The following DAPK3 variants were observed in gnomAD, a reference collection of about 807,000 sequenced individuals.
DAPK3 encodes the protein death associated protein kinase 3, also known as death-associated protein kinase 3.
DAPK3 carries 24 observed loss-of-function variants against 30.6 expected under a neutral mutation model. The ratio of observed to expected loss-of-function variants is 0.78; its 90% CI spans 0.57 to 1.10. DAPK3 has a LOEUF of 1.10. Among genes scored for constraint, DAPK3 ranks in the 50% least tolerant of loss-of-function variants. The pLI, the probability that DAPK3 is intolerant of heterozygous loss-of-function variation, is 0.00. For synonymous variants in DAPK3, 341 were observed against 284.0 expected (o/e 1.20, Z -2.02); for missense variants, 629 against 657.3 (o/e 0.96, Z 0.47).
Position 3,958,841 on chromosome 19 carries a change from G to A in DAPK3, c.*260C>T, listed in dbSNP as rs947195524. On this transcript the variant is annotated 3_prime_UTR_variant, in exon 9 of 9. Transcript: ENST00000545797. ...CACGGTGCCACAGGCCACGCTGCCT[G>A]GAGGGTCCCAGGGTCACCGACGATG... 3 of 581,466 alleles carry A rather than the reference G, an allele frequency of 5.2e-6. No individual in the cohort carries two copies. In the Admixed American group the frequency reaches 9.3e-5, roughly 18 times the overall value. 36.0% of individuals were successfully genotyped at this position (581,466 alleles called of 1,614,324 possible). A position where few individuals can be genotyped will look rare whatever the true frequency, so the allele number is the denominator to read the frequency against.
chr19:3,961,964 T>C (rs1356032771), intron 6 of DAPK3: 2 of 162,168 alleles, frequency 1.2e-5, no homozygotes, highest in Non-Finnish European at 2.7e-5. Context: ...GTTCATGCCA[T>C]TCTCCTGCCT....
intron 1 of DAPK3, 31 bp from the exon 2 acceptor site, chr19:3,969,860 GA>G: frequency 1.5e-6 from 1 of 672,390 alleles, no homozygotes; most frequent in Admixed American, 2.3e-5. Context: ...CAGAAGTGAG[GA>G]ACTGAGACAC....
chr19:3,965,112 G>A, intron 2 of DAPK3, 121 bp from the exon 3 acceptor site: 1 of 629,324 alleles, frequency 1.6e-6, no homozygotes, highest in Non-Finnish European at 2.8e-6. Context: ...GGCACTTGAA[G>A]GACATGAGCT....
chr19:3,958,852 G>A lies in DAPK3; in HGVS notation c.*249C>T, dbSNP rs903898538. On this transcript the variant is annotated 3_prime_UTR_variant, in exon 9 of 9. Coordinates refer to ENST00000545797, the MANE Select transcript of DAPK3 (RefSeq NM_001348.3). Reference sequence around the variant, plus strand: ...AGGCCACGCTGCCTGGAGGGTCCCAGGGTCACCGACGATGCAGGGGTGAAG... The same window carrying A: ...AGGCCACGCTGCCTGGAGGGTCCCAAGGTCACCGACGATGCAGGGGTGAAG... The A allele has an allele frequency of 6.9e-6, 4 of 582,014 alleles. No homozygotes were observed. The East Asian group carries it at 1.2e-4, about 17-fold the overall frequency. 36.1% of individuals were successfully genotyped at this position (582,014 alleles called of 1,614,324 possible).
intron 2 of DAPK3, among the ~76,000 whole-genome samples, chr19:3,966,511 G>A (rs1470821106): frequency 6.6e-6 from 1 of 152,212 alleles, no homozygotes; most frequent in Non-Finnish European, 1.5e-5. Context: ...GCTCGCGGCA[G>A]GGGCCACCAC....
intron 2 of DAPK3, among the ~76,000 whole-genome samples, chr19:3,966,142 T>C (rs1420850827): frequency 6.6e-6 from 1 of 152,172 alleles, no homozygotes; most frequent in Non-Finnish European, 1.5e-5. Flanking sequence ...CCCAAGGTCA[T>C]GCAGTCAGTC....
chr19:3,960,957 A>T lies in DAPK3; in HGVS notation c.782+52T>A, dbSNP rs2039504128. On this transcript the variant is annotated intron_variant, in intron 7 of 8. Coordinates refer to ENST00000545797, the MANE Select transcript of DAPK3 (RefSeq NM_001348.3). ...AGTCCTCTGGAGCCTCCGTGGGTGGAGTGGGCCTGTGTCCCATGTCCCACC... is the reference window on the plus strand; with the variant it reads ...AGTCCTCTGGAGCCTCCGTGGGTGGTGTGGGCCTGTGTCCCATGTCCCACC... 7 of 1,590,610 alleles carry T rather than the reference A, an allele frequency of 4.4e-6. No individual in the cohort carries two copies. The East Asian group carries it at 1.6e-4, about 36-fold the overall frequency.
At position 3,960,093 on chromosome 19, in the gene DAPK3, G is replaced by T; in HGVS notation, c.794C>A (p.Thr265Asn). The change falls in exon 8 of 9, where the codon ACC (threonine) becomes AAC (asparagine). Residue 265 changes from threonine (T) to asparagine (N), a missense_variant. Transcript: ENST00000545797. ...LLVKDPKRRM[T>N]IAQSLEHSWI... ...GGAATGTTCCAGGCTCTGGGCAATG[G>T]TCATTCTCCGCCTGGAAGACCCCCG... The T allele has an allele frequency of 6.4e-7, 1 of 1,562,228 alleles. No individual in the cohort carries two copies. The highest frequency in any genetic ancestry group is 8.8e-7 in the Non-Finnish European group (1 of 1,133,090).
chr19:3,969,492 CA>C (rs2039613298), intron 2 of DAPK3, among the ~76,000 whole-genome samples, 181 bp downstream of exon 2: 1 of 152,116 alleles, frequency 6.6e-6, no homozygotes, highest in Non-Finnish European at 1.5e-5. Flanking sequence ...GATTCCCAAG[CA>C]GGAATTCACA....
At chr19:3,968,021 T>C (rs894665565) in intron 2 of DAPK3, among the ~76,000 whole-genome samples, 2 of 152,104 alleles carry the variant, frequency 1.3e-5, no homozygotes, top group African/African-American at 4.8e-5. Flanking sequence ...GAGATGGGGG[T>C]CAACTTATGT....
chr19:3,963,051 G>C (rs550813012), intron 6 of DAPK3, among the ~76,000 whole-genome samples: 2 of 151,726 alleles, frequency 1.3e-5, no homozygotes, highest in Non-Finnish European at 2.9e-5. Context: ...GCAGTGAGCA[G>C]CTGAGATCGC....
Position 3,964,976 on chromosome 19 carries a change from GATC to G in DAPK3, c.75_77del (p.Ile26del). 6.2e-7 allele frequency: 1 copy of G among 1,601,696 alleles called. No homozygotes were observed. The highest frequency in any genetic ancestry group is 8.5e-7 in the Non-Finnish European group (1 of 1,171,622). On this transcript the variant is annotated inframe_deletion, in exon 3 of 9. Transcript: ENST00000545797. ...TGCCCTTCTGCCGGCACTTCCGCACGATCGCAAACTGGCCGCTGGAGGAGGGGG... is the reference window on the plus strand; with the variant it reads ...TGCCCTTCTGCCGGCACTTCCGCACGGCAAACTGGCCGCTGGAGGAGGGGG...
rs150422449 is a variant in DAPK3 at position 3,961,089 on chromosome 19, G to A, written c.702C>T (p.Tyr234=). 165 of 1,613,606 alleles carry A rather than the reference G, an allele frequency of 1.0e-4. No individual in the cohort carries two copies. The highest frequency in any genetic ancestry group is 6.4e-4 in the African/African-American group (48 of 74,864). Residue 234 remains tyrosine (Y), a synonymous_variant, in exon 7 of 9, where the codon TAC becomes TAT. Transcript: ENST00000545797. ...ETLTNISAVN[Y]DFDEEYFSNT... is the part of the protein sequence containing the mutation. ...TGCTGAAGTACTCCTCGTCGAAGTC[G>A]TAGTTCACGGCTGAGATGTTGGTGA...
chr19:3,960,224 C>A, intron 7 of DAPK3, 120 bp from the exon 8 acceptor site: 1 of 656,528 alleles, frequency 1.5e-6, no homozygotes, highest in Non-Finnish European at 2.8e-6. Context: ...GCTCAGCCAA[C>A]CACAGAAGCT....
chr19:3,964,568 T>TGG, intron 3 of DAPK3, 63 bp downstream of exon 3: 77 of 1,320,890 alleles, frequency 5.8e-5, no homozygotes, highest in Non-Finnish European at 7.5e-5. Context: ...TCCAGGCTCT[T>TGG]CCCCGCCCCA....
intron 2 of DAPK3, among the ~76,000 whole-genome samples, chr19:3,968,080 G>T (rs1416703972): frequency 6.6e-6 from 1 of 152,200 alleles, no homozygotes; most frequent in East Asian, 1.9e-4. Flanking sequence ...CTCCCGCCTT[G>T]GCCTCCCAAA....
At chr19:3,963,317 A>C (rs2039538450) in intron 6 of DAPK3, among the ~76,000 whole-genome samples, 1 of 152,138 alleles carries the variant, frequency 6.6e-6, no homozygotes, top group South Asian at 2.1e-4. Context: ...CAGGGACAGG[A>C]GCCAAAACCC....
In DAPK3 at chr19:3,971,069, C is replaced by T. The variant is rs1372183149; in HGVS notation, c.-243G>A. ...GCCGGCGCCGCCGCGCTGGCCACCGCCGCCGCCTCCAGAAGCCCCGCGCCC... is the reference window on the plus strand; with the variant it reads ...GCCGGCGCCGCCGCGCTGGCCACCGTCGCCGCCTCCAGAAGCCCCGCGCCC... On this transcript the variant is annotated 5_prime_UTR_variant, in exon 1 of 9. Coordinates refer to ENST00000545797, the MANE Select transcript of DAPK3 (RefSeq NM_001348.3). 4 of 154,366 alleles carry T rather than the reference C, an allele frequency of 2.6e-5. No individual in the cohort carries two copies. The highest frequency in any genetic ancestry group is 5.8e-5 in the Non-Finnish European group (4 of 69,350). The allele number at this position is 154,366 out of a possible 1,614,324, so 9.6% of individuals were successfully genotyped here.
intron 6 of DAPK3, chr19:3,961,597 A>C (rs1204685551): frequency 4.4e-6 from 2 of 455,848 alleles, no homozygotes; most frequent in African/African-American, 2.0e-5. Flanking sequence ...ACACAGCATC[A>C]TCCCTGGGGT....
Sources: allele counts gnomAD v4.1 joint callset (sites outside exome capture counted in the v4.1 genomes callset), GRCh38; gene constraint gnomAD v4.1.1; transcripts MANE v1.5; gene names NCBI Gene and HGNC (gene_info 2026-07-23, HGNC 2026-07-21).